The following KIAA1328 variants were observed in gnomAD, a reference collection of about 807,000 sequenced individuals.
KIAA1328 encodes the protein KIAA1328, also known as protein hinderin.
KIAA1328 carries 52 observed loss-of-function variants against 68.1 expected under a neutral mutation model. That is an observed-to-expected ratio of 0.76 (90% CI 0.61 to 0.96). The LOEUF is 0.96. Among genes scored for constraint, KIAA1328 ranks in the 40% least tolerant of loss-of-function variants. The pLI is 0.00. For missense variants in KIAA1328, 641 were observed against 677.6 expected, an observed-to-expected ratio of 0.95 and a Z score of 0.60; for synonymous variants, 232 against 239.4, an observed-to-expected ratio of 0.97 and a Z score of 0.28.
chr18:37,026,413 A>G (rs958101869), intron 6 of KIAA1328, among the ~76,000 whole-genome samples: 7 of 152,188 alleles, frequency 4.6e-5, no homozygotes, highest in South Asian at 2.1e-4. Context: ...TGGCAGAGAC[A>G]CAACAAAAAA....
chr18:36,934,303 A>ATTTAT (rs1305593897), intron 5 of KIAA1328, among the ~76,000 whole-genome samples: 1 of 151,512 alleles, frequency 6.6e-6, no homozygotes, highest in East Asian at 1.9e-4. Flanking sequence ...TTTTTTTCAT[A>ATTTAT]TTTATTTTAT....
intron 6 of KIAA1328, among the ~76,000 whole-genome samples, chr18:37,019,451 G>A (rs544400300): frequency 3.3e-5 from 5 of 152,172 alleles, no homozygotes; most frequent in African/African-American, 9.7e-5. Context: ...TCACGGTGCC[G>A]GGAGGCAAGA....
chr18:36,887,729 A>C (rs143295190), intron 5 of KIAA1328, among the ~76,000 whole-genome samples: 316 of 152,294 alleles, frequency 2.1e-3, no homozygotes, highest in African/African-American at 7.2e-3. Context: ...GCAGCACTGG[A>C]GAAGAAGACT....
At chr18:36,876,674 C>G (rs2048140020) in intron 4 of KIAA1328, among the ~76,000 whole-genome samples, 1 of 152,094 alleles carries the variant, frequency 6.6e-6, no homozygotes, top group Non-Finnish European at 1.5e-5. Flanking sequence ...TCTCTTATCT[C>G]CTTCGTTCTG....
At chr18:37,145,518 A>AT (rs2058877791) in intron 7 of KIAA1328, among the ~76,000 whole-genome samples, 1 of 152,122 alleles carries the variant, frequency 6.6e-6, no homozygotes. Flanking sequence ...CAGGGGGTTT[A>AT]TTTTTTGGTA....
intron 7 of KIAA1328, among the ~76,000 whole-genome samples, chr18:37,070,049 T>C (rs2056471819): frequency 1.3e-5 from 2 of 152,172 alleles, no homozygotes; most frequent in African/African-American, 2.4e-5. Context: ...CAGTGTGTTT[T>C]TGGGGTATCT....
Position 36,859,797 on chromosome 18 carries a change from CT to C in KIAA1328, c.332+15505del, listed in dbSNP as rs200286175. 3.0e-3 allele frequency among the ~76,000 whole-genome samples: 418 copies of C among 141,466 alleles called. 2 individuals carry two copies. The highest frequency in any genetic ancestry group is 8.6e-3 in the African/African-American group (330 of 38,524). The allele number at this position is 141,466 out of a possible 152,430, so 92.8% of individuals were successfully genotyped here. Reference sequence around the variant, plus strand: ...AAATTCTGCTTTTTATTATTTTTGTCTTTTTTTTTTAATGTGAGTTGAATTT... The same window carrying C: ...AAATTCTGCTTTTTATTATTTTTGTCTTTTTTTTTAATGTGAGTTGAATTT... On this transcript the variant is annotated intron_variant, in intron 4 of 9. Coordinates refer to ENST00000280020, the MANE Select transcript of KIAA1328 (RefSeq NM_020776.3).
Position 37,067,023 on chromosome 18 carries a change from A to G in KIAA1328, c.710A>G (p.Glu237Gly). The G allele has an allele frequency of 6.2e-7, 1 of 1,613,934 alleles. No individual in the cohort carries two copies. The highest frequency in any genetic ancestry group is 1.1e-5 in the South Asian group (1 of 91,072). The change falls in exon 7 of 10, where the codon GAA (glutamate) becomes GGA (glycine). Residue 237 changes from glutamate (E) to glycine (G), a missense_variant. By Grantham distance (98) the Glu-to-Gly change is moderately conservative. Coordinates refer to ENST00000280020, the MANE Select transcript of KIAA1328 (RefSeq NM_020776.3). ...PKSAVQDSASESLIAFRNNSL... is the reference protein window; with the variant it reads ...PKSAVQDSASGSLIAFRNNSL... ...TCTGCAGTCCAGGATTCAGCTTCAG[A>G]ATCCCTTATAGCATTTAGGAATAAT...
At chr18:37,024,721 T>G (rs1029856287) in intron 6 of KIAA1328, among the ~76,000 whole-genome samples, 2 of 152,174 alleles carry the variant, frequency 1.3e-5, no homozygotes, top group Non-Finnish European at 2.9e-5. Flanking sequence ...CATTTTTTAT[T>G]GCTGCATAGT....
intron 5 of KIAA1328, among the ~76,000 whole-genome samples, chr18:36,942,038 G>A (rs2050733326): frequency 6.6e-6 from 1 of 152,178 alleles, no homozygotes; most frequent in Non-Finnish European, 1.5e-5. Flanking sequence ...ACTGAAGTAT[G>A]CTTGTGGAAG....
chr18:36,874,258 G>A (rs549504342), intron 4 of KIAA1328, among the ~76,000 whole-genome samples: 92 of 152,120 alleles, frequency 6.0e-4, no homozygotes, highest in Non-Finnish European at 1.1e-3. Flanking sequence ...TTGAGGAATC[G>A]CCACGCTGTC....
intron 7 of KIAA1328, among the ~76,000 whole-genome samples, chr18:37,156,802 A>G (rs1157734598): frequency 6.6e-6 from 1 of 152,222 alleles, no homozygotes; most frequent in Non-Finnish European, 1.5e-5. Flanking sequence ...AGGAATAGAC[A>G]TCGCTTTACA....
chr18:37,170,783 C>G (rs1256432467), intron 8 of KIAA1328, among the ~76,000 whole-genome samples: 1 of 152,136 alleles, frequency 6.6e-6, no homozygotes, highest in Non-Finnish European at 1.5e-5. Context: ...ATCACATAGG[C>G]TCTTTATGGC....
chr18:36,892,147 A>G (rs2048711036), intron 5 of KIAA1328, among the ~76,000 whole-genome samples: 1 of 152,078 alleles, frequency 6.6e-6, no homozygotes, highest in South Asian at 2.1e-4. Flanking sequence ...TTTAACAAGG[A>G]TAGGAACCAT....
intron 7 of KIAA1328, among the ~76,000 whole-genome samples, chr18:37,071,699 A>C (rs1309321769): frequency 6.6e-6 from 1 of 152,180 alleles, no homozygotes; most frequent in African/African-American, 2.4e-5. Context: ...TGAGGATACC[A>C]AGGAACCACT....
At chr18:36,863,437 T>G (rs2047636094) in intron 4 of KIAA1328, among the ~76,000 whole-genome samples, 1 of 152,190 alleles carries the variant, frequency 6.6e-6, no homozygotes, top group African/African-American at 2.4e-5. Context: ...ATAGTAAGCC[T>G]TAATACTAAG....
intron 5 of KIAA1328, among the ~76,000 whole-genome samples, chr18:36,890,619 C>T (rs1372644384): frequency 2.0e-5 from 3 of 152,050 alleles, no homozygotes; most frequent in East Asian, 3.9e-4. Context: ...TGCAGAGAGC[C>T]GAGATTGTGC....
At chr18:37,048,658 A>G (rs2055572139) in intron 6 of KIAA1328, among the ~76,000 whole-genome samples, 1 of 152,152 alleles carries the variant, frequency 6.6e-6, no homozygotes, top group East Asian at 1.9e-4. Flanking sequence ...TTGCTATTTT[A>G]CTGATCTAAA....
chr18:37,094,317 G>A (rs1343889873), intron 7 of KIAA1328, among the ~76,000 whole-genome samples: 7 of 151,982 alleles, frequency 4.6e-5, no homozygotes, highest in African/African-American at 1.5e-4. Flanking sequence ...CCCTGCCTTA[G>A]AGGCCAGGAG....
Sources: allele counts gnomAD v4.1 joint callset (sites outside exome capture counted in the v4.1 genomes callset), GRCh38; gene constraint gnomAD v4.1.1; transcripts MANE v1.5; gene names NCBI Gene and HGNC (gene_info 2026-07-23, HGNC 2026-07-21).